The following ANKFY1 variants were observed in gnomAD, a reference collection of about 807,000 sequenced individuals.
ANKFY1 encodes the protein ankyrin repeat and FYVE domain containing 1, also known as ankyrin repeat and FYVE domain-containing protein 1.
A neutral mutation model predicts 128.3 loss-of-function variants in ANKFY1; 47 were observed. The observed-to-expected ratio is 0.37, with a 90% CI of 0.29 to 0.47. The LOEUF (loss-of-function observed/expected upper bound fraction) is 0.47, where lower values mean the gene tolerates loss of function less well. Ranked by LOEUF, ANKFY1 falls within the 20% of genes least tolerant of loss-of-function variation. ANKFY1 has a pLI of 1.00. For missense variants in ANKFY1, 1,222 were observed against 1,510.6 expected (o/e 0.81, Z 3.17); for synonymous variants, 553 against 601.6 (o/e 0.92, Z 1.18).
chr17:4,258,251 C>G, intron 1 of ANKFY1, among the ~76,000 whole-genome samples: 1 of 152,230 alleles, frequency 6.6e-6, no homozygotes, highest in Non-Finnish European at 1.5e-5. Context: ...TAGGGCCGGG[C>G]GCGGTGGCTC....
rs1182972141 is a variant in ANKFY1 at position 4,177,173 on chromosome 17, G to A, written c.2728C>T (p.Leu910=). 2 of 1,606,088 alleles carry A rather than the reference G, an allele frequency of 1.2e-6. No homozygotes were observed. Among genetic ancestry groups the A allele is most frequent in the Non-Finnish European group, 1.7e-6 (2 of 1,175,888 alleles). The change falls in exon 19 of 25, where the codon CTG becomes TTG. Residue 910 remains leucine (L), a synonymous_variant. Transcript: ENST00000341657. The part of the protein sequence containing the change: ...RVQDASKLTP[L]HLAVQAGSEI... ...GAGCCTGCTTGGACAGCGAGGTGCA[G>A]GGGGGTCAACTTGGAGGCATCCTGG...
chr17:4,221,654 T>A (rs1312637555), intron 3 of ANKFY1, among the ~76,000 whole-genome samples: 1 of 152,234 alleles, frequency 6.6e-6, no homozygotes, highest in Non-Finnish European at 1.5e-5. Context: ...AGTCTCACTC[T>A]GTTACCCAGG....
chr17:4,187,971 G>A (rs566841009), intron 11 of ANKFY1: 9 of 152,378 alleles, frequency 5.9e-5, no homozygotes, highest in African/African-American at 2.2e-4. Flanking sequence ...CCCAGCAGAA[G>A]ATTTTAAGTT....
chr17:4,227,217 GCCTATATAAC>G (rs1378941146), intron 3 of ANKFY1, among the ~76,000 whole-genome samples: 2 of 151,750 alleles, frequency 1.3e-5, no homozygotes, highest in African/African-American at 4.8e-5. Context: ...ATCATATAAG[GCCTATATAAC>G]CCTAATAGTA....
chr17:4,188,944 C>T (rs1436908699), intron 11 of ANKFY1: 1 of 154,650 alleles, frequency 6.5e-6, no homozygotes, highest in Non-Finnish European at 1.4e-5. Flanking sequence ...ACGTCCAACC[C>T]CAAAGGTAAC....
At position 4,223,370 on chromosome 17, in the gene ANKFY1, G is replaced by C. The variant is rs1446528140; in HGVS notation, c.323-6252C>G. ...CCTGGTACACATGGCTATTCAGATT[G>C]CCTGTGGAATGAGCTACCTGGCCAG... On this transcript the variant is annotated intron_variant, in intron 3 of 24. Coordinates refer to ENST00000341657, the MANE Select transcript of ANKFY1 (RefSeq NM_001330063.2). 8 of 1,589,692 alleles carry C rather than the reference G, an allele frequency of 5.0e-6. No homozygotes were observed. In the East Asian group the frequency reaches 1.6e-4, roughly 31 times the overall value.
rs988626353 is a variant in ANKFY1, at chr17:4,223,768, C to T, written c.323-6650G>A. 39 of 1,551,266 alleles carry T rather than the reference C, an allele frequency of 2.5e-5. No homozygotes were observed. The Admixed American group carries it at 6.0e-4, about 24-fold the overall frequency. On this transcript the variant is annotated intron_variant, in intron 3 of 24. Coordinates refer to ENST00000341657, the MANE Select transcript of ANKFY1 (RefSeq NM_001330063.2). ...GGGCCTTAGATCCGGGGGAGAGGCC[C>T]AAGTTTCAGCAGCTGGTACAGTGTC...
intron 3 of ANKFY1, chr17:4,223,332 T>G (rs2060360531): frequency 1.3e-6 from 2 of 1,508,284 alleles, no homozygotes; most frequent in African/African-American, 2.7e-5. Context: ...CCACAGGCAA[T>G]TTCTCAACAA....
intron 7 of ANKFY1, among the ~76,000 whole-genome samples, chr17:4,204,791 G>A (rs149122116): frequency 1.2e-4 from 19 of 152,164 alleles, no homozygotes; most frequent in African/African-American, 4.3e-4. Context: ...CCTACGTGGT[G>A]GAGATTTCCC....
At chr17:4,191,602 C>T (rs1250475481) in intron 10 of ANKFY1, among the ~76,000 whole-genome samples, 2 of 145,192 alleles carry the variant, frequency 1.4e-5, no homozygotes, top group Non-Finnish European at 3.0e-5. Context: ...TTGATGGTTA[C>T]TCTAATCTGG....
chr17:4,183,563 G>A lies in ANKFY1; in HGVS notation c.1799-12C>T. ...GATCGTGTGCATGCCTGGGAAACAAGCCCCGATCTCATCCAGGCTCGGCTT... is the reference window on the plus strand; with the variant it reads ...GATCGTGTGCATGCCTGGGAAACAAACCCCGATCTCATCCAGGCTCGGCTT... On this transcript the variant is annotated splice_polypyrimidine_tract_variant and intron_variant, in intron 13 of 24. Transcript: ENST00000341657. The A allele has an allele frequency of 1.2e-6, 2 of 1,610,188 alleles. No homozygotes were observed. Among genetic ancestry groups the A allele is most frequent in the Non-Finnish European group, 1.7e-6 (2 of 1,178,936 alleles).
chr17:4,172,711 G>A (rs1399146258), intron 21 of ANKFY1, 31 bp from the exon 22 acceptor site: 2 of 1,612,164 alleles, frequency 1.2e-6, no homozygotes, highest in South Asian at 2.2e-5. Context: ...AGTTAGGAAT[G>A]TATCTGCCAT....
At chr17:4,257,801 T>C (rs1159949322) in intron 1 of ANKFY1, among the ~76,000 whole-genome samples, 1 of 152,248 alleles carries the variant, frequency 6.6e-6, no homozygotes, top group East Asian at 1.9e-4. Context: ...CTTCTCCCTC[T>C]ATACCCATTC....
At chr17:4,224,560 G>GAAAA (rs1294547527) in intron 3 of ANKFY1, among the ~76,000 whole-genome samples, 1 of 151,936 alleles carries the variant, frequency 6.6e-6, no homozygotes, top group Non-Finnish European at 1.5e-5. Context: ...TCTTGTACAA[G>GAAAA]AAAAGGCAAT....
intron 1 of ANKFY1, among the ~76,000 whole-genome samples, chr17:4,259,941 C>T (rs936555893): frequency 2.4e-4 from 37 of 152,064 alleles, no homozygotes; most frequent in African/African-American, 5.8e-4. Flanking sequence ...GGAGAAACAG[C>T]GGAGGACTGT....
In ANKFY1 at chr17:4,183,870, C is replaced by A; in HGVS notation, c.1740G>T (p.Pro580=). The stretch of plus-strand genomic sequence containing the variant: ...CTCGGGAATCTTTGAGGCTGAAGTC[C>A]GGAATGATCTGCAAGTTGTTGGTGG... ...LHATNNLQII[P]DFSLKDSRDQ... The change falls in exon 13 of 25, where the codon CCG becomes CCT. Residue 580 remains proline (P), a synonymous_variant. Transcript: ENST00000341657. The A allele has an allele frequency of 6.2e-7, 1 of 1,613,988 alleles. No individual in the cohort carries two copies. Among genetic ancestry groups the A allele is most frequent in the Non-Finnish European group, 8.5e-7 (1 of 1,179,884 alleles).
intron 1 of ANKFY1, among the ~76,000 whole-genome samples, chr17:4,248,373 G>A (rs1413703324): frequency 6.6e-6 from 1 of 152,200 alleles, no homozygotes; most frequent in Non-Finnish European, 1.5e-5. Flanking sequence ...AGACTCCAGT[G>A]CCTGATGATC....
At chr17:4,263,857 C>G (rs960828524) in intron 1 of ANKFY1, 75 bp downstream of exon 1, 3 of 1,612,710 alleles carry the variant, frequency 1.9e-6, no homozygotes, top group African/African-American at 2.7e-5. Context: ...CTTCCCCTCC[C>G]ACGGCAGCTT....
intron 10 of ANKFY1, chr17:4,191,353 T>C (rs960775076): frequency 5.9e-5 from 9 of 151,632 alleles, no homozygotes; most frequent in African/African-American, 2.2e-4. Flanking sequence ...TCTTAGTTGA[T>C]GGTTGCTCTC....
Sources: gnomAD v4.1 joint callset for allele counts (sites outside exome capture counted in the v4.1 genomes callset) on GRCh38, gnomAD v4.1.1 for gene constraint, MANE v1.5 for transcripts, NCBI Gene and HGNC (gene_info 2026-07-23, HGNC 2026-07-21) for gene names.